SLC9B2: variants seen among roughly 807,000 people sequenced by gnomAD.
The protein encoded by SLC9B2 is solute carrier family 9 member B2.
Under a neutral mutation model 52.2 loss-of-function variants are expected in SLC9B2, and 39 were observed. The observed-to-expected ratio is 0.75, with a 90% CI of 0.58 to 0.98. The LOEUF (loss-of-function observed/expected upper bound fraction) is 0.98, where lower values mean the gene tolerates loss of function less well. SLC9B2 is among the 50% of genes least tolerant of loss of function. The probability of loss-of-function intolerance (pLI) is 0.00; values close to 1 mark genes in which losing one functional copy is unlikely to be tolerated. For missense variants in SLC9B2, 626 were observed against 637.5 expected (o/e 0.98, Z 0.19); for synonymous variants, 214 against 227.0 (o/e 0.94, Z 0.51).
At chr4:103,075,974 C>T (rs1023067265) in intron 1 of SLC9B2, among the ~76,000 whole-genome samples, 10 of 152,300 alleles carry the variant, frequency 6.6e-5, no homozygotes, top group Admixed American at 5.9e-4. Context: ...AAGGCAACAC[C>T]CCCTCTGGTT....
At chr4:103,073,071 A>G (rs1386038829) in intron 1 of SLC9B2, among the ~76,000 whole-genome samples, 1 of 152,194 alleles carries the variant, frequency 6.6e-6, no homozygotes, top group African/African-American at 2.4e-5. Context: ...GCAAGCAGAG[A>G]TCAAGTGTGT....
chr4:103,051,173 G>GA (rs1744647579), intron 4 of SLC9B2, among the ~76,000 whole-genome samples: 1 of 152,152 alleles, frequency 6.6e-6, no homozygotes, highest in African/African-American at 2.4e-5. Context: ...AAAGGTAAAA[G>GA]AAAAAGTGAC....
downstream of SLC9B2, chr4:103,019,837 T>C (rs907800674): frequency 7.1e-6 from 7 of 985,588 alleles, no homozygotes; most frequent in African/African-American, 1.2e-4. Flanking sequence ...GTTTTCTGTC[T>C]ATTGAACCCT....
chr4:103,028,812 CA>C lies in SLC9B2; in HGVS notation c.1326del (p.Phe442LeufsTer6), dbSNP rs1222481006. 1.9e-6 allele frequency: 3 copies of C among 1,609,742 alleles called. No homozygotes were observed. The African/African-American group carries it at 4.0e-5, about 22-fold the overall frequency. On this transcript the variant is annotated frameshift_variant, in exon 11 of 12. Coordinates refer to ENST00000394785, the MANE Select transcript of SLC9B2 (RefSeq NM_178833.7). The stretch of plus-strand genomic sequence containing the variant: ...ATCTTTTCTTTTAAGTTAAAACCAG[CA>C]AAACACACCATCAGAAATGTAGTCA... ...RILTTFLMVC[F>X]AGFNLKEKIF...
intron 9 of SLC9B2, among the ~76,000 whole-genome samples, chr4:103,036,880 C>T (rs1442214832): frequency 6.6e-6 from 1 of 152,046 alleles, no homozygotes; most frequent in African/African-American, 2.4e-5. Flanking sequence ...CATTTCAATG[C>T]TTACAATTAC....
At chr4:103,058,877 C>T (rs1424183885) in intron 3 of SLC9B2, among the ~76,000 whole-genome samples, 1 of 152,108 alleles carries the variant, frequency 6.6e-6, no homozygotes, top group East Asian at 1.9e-4. Context: ...GCCTGAGCAA[C>T]ATAGTGAGAC....
In SLC9B2 at chr4:103,067,546, C is replaced by T. The variant is rs1266119097; in HGVS notation, c.5G>A (p.Gly2Glu). The T allele has an allele frequency of 1.9e-6, 3 of 1,606,976 alleles. No homozygotes were observed. Among genetic ancestry groups the T allele is most frequent in the African/African-American group, 2.7e-5 (2 of 74,742 alleles). M[G>E]DEDKRITYED... ...ATATGTAATTCTTTTATCTTCATCCCCCATTATTTATAATTAAGAAGATGA... is the reference window on the plus strand; with the variant it reads ...ATATGTAATTCTTTTATCTTCATCCTCCATTATTTATAATTAAGAAGATGA... Residue 2 changes from glycine (G) to glutamate (E), a missense_variant, in exon 2 of 12, where the codon GGG becomes GAG. Transcript: ENST00000394785.
At chr4:103,067,917 A>G (rs990290009) in intron 1 of SLC9B2, among the ~76,000 whole-genome samples, 1 of 152,234 alleles carries the variant, frequency 6.6e-6, no homozygotes, top group African/African-American at 2.4e-5. Flanking sequence ...TCATGGGCCA[A>G]CTGGATGAAG....
rs367631194 is a variant in SLC9B2, at chr4:103,067,485, C to A, written c.66G>T (p.Thr22=). The change falls in exon 2 of 12, where the codon ACG becomes ACT. Residue 22 remains threonine (T), a synonymous_variant. Transcript: ENST00000394785. The stretch of plus-strand genomic sequence containing the variant: ...CCTGTGCTTCTTGATGCATGGAGGG[C>A]GTGTAATTCATTCCTGTGGATGGTT... The part of the protein sequence containing the change: ...DSEPSTGMNY[T]PSMHQEAQEE... 18 of 1,613,234 alleles carry A rather than the reference C, an allele frequency of 1.1e-5. No homozygotes were observed. The East Asian group carries it at 2.5e-4, about 22-fold the overall frequency.
intron 4 of SLC9B2, among the ~76,000 whole-genome samples, chr4:103,052,685 G>GT (rs922227867): frequency 6.6e-6 from 1 of 151,456 alleles, no homozygotes; most frequent in Non-Finnish European, 1.5e-5. Flanking sequence ...ATGTTAAGAG[G>GT]TTTTTTTGTT....
At chr4:103,045,672 G>A (rs1034364375) in intron 7 of SLC9B2, among the ~76,000 whole-genome samples, 2 of 152,014 alleles carry the variant, frequency 1.3e-5, no homozygotes, top group Non-Finnish European at 2.9e-5. Flanking sequence ...AAGGTTCTTC[G>A]AGCTGTAGCT....
At chr4:103,058,582 A>C (rs1745364123) in intron 3 of SLC9B2, among the ~76,000 whole-genome samples, 2 of 152,016 alleles carry the variant, frequency 1.3e-5, no homozygotes, top group South Asian at 4.1e-4. Context: ...AAAATTTTTT[A>C]GTGGAGACAG....
intron 6 of SLC9B2, 143 bp from the exon 7 acceptor site, chr4:103,047,369 T>A: frequency 1.3e-6 from 1 of 750,640 alleles, no homozygotes; most frequent in Non-Finnish European, 2.0e-6. Flanking sequence ...AAACAAACTT[T>A]AATAAGAATT....
At chr4:103,066,185 AC>A in intron 3 of SLC9B2, 141 bp downstream of exon 3, 1 of 936,788 alleles carries the variant, frequency 1.1e-6, no homozygotes, top group Non-Finnish European at 1.6e-6. Flanking sequence ...GAGCAGAGCC[AC>A]CCATGTGTGT....
chr4:103,063,135 A>C (rs1206245013), intron 3 of SLC9B2, among the ~76,000 whole-genome samples: 2 of 152,228 alleles, frequency 1.3e-5, no homozygotes, highest in Non-Finnish European at 2.9e-5. Context: ...ATGTCAGTCC[A>C]TATCTGTTTC....
chr4:103,044,937 C>T lies in SLC9B2; in HGVS notation c.949G>A (p.Gly317Arg), dbSNP rs769312237. The change falls in exon 8 of 12, where the codon GGA becomes AGA. Residue 317 changes from glycine (G) to arginine (R), a missense_variant. Physicochemically the swap from Gly to Arg is moderately radical, Grantham distance 125. Transcript: ENST00000394785. ...VLEVVIGVAT[G>R]SVLGFFIQYF... The stretch of plus-strand genomic sequence containing the variant: ...TGAATGAAAAATCCAAGAACAGATC[C>T]AGTTGCCACACCAATTACCACCTCC... 21 of 1,613,756 alleles carry T rather than the reference C, an allele frequency of 1.3e-5. No homozygotes were observed. Among genetic ancestry groups the T allele is most frequent in the Non-Finnish European group, 1.7e-5 (20 of 1,179,904 alleles).
At chr4:103,067,122 T>C (rs1328723145) in intron 2 of SLC9B2, among the ~76,000 whole-genome samples, 1 of 152,162 alleles carries the variant, frequency 6.6e-6, no homozygotes, top group African/African-American at 2.4e-5. Flanking sequence ...AATAAGCATA[T>C]TTAAGATAAA....
chr4:103,050,471 T>G, intron 4 of SLC9B2, 89 bp from the exon 5 acceptor site: 1 of 1,193,716 alleles, frequency 8.4e-7, no homozygotes, highest in Non-Finnish European at 1.1e-6. Context: ...TACTATATAA[T>G]CCCAGGAACC....
In SLC9B2 at chr4:103,050,397, T is replaced by C; in HGVS notation, c.443-15A>G. 1 of 1,566,780 alleles carries C rather than the reference T, an allele frequency of 6.4e-7. No homozygotes were observed. Among genetic ancestry groups the C allele is most frequent in the Non-Finnish European group, 8.6e-7 (1 of 1,159,958 alleles). On this transcript the variant is annotated splice_polypyrimidine_tract_variant and intron_variant, in intron 4 of 11. Transcript: ENST00000394785. ...AAGCAGCATGCCTTGAACGAAGAAA[T>C]CAAACATATCTAGTTAGTTTTCAAA...
Sources: allele counts gnomAD v4.1 joint callset (sites outside exome capture counted in the v4.1 genomes callset), GRCh38; gene constraint gnomAD v4.1.1; transcripts MANE v1.5; gene names NCBI Gene and HGNC (gene_info 2026-07-23, HGNC 2026-07-21).